Variants in TMEM207 observed in about 807,000 individuals in gnomAD.
TMEM207 encodes transmembrane protein 207.
In TMEM207, 15 loss-of-function variants were observed where a neutral mutation model predicts 17.4. That is an observed-to-expected ratio of 0.86 (90% confidence interval 0.58 to 1.33). The LOEUF is 1.33. TMEM207 is among the 40% of genes most tolerant of loss of function. The pLI, the probability that TMEM207 is intolerant of heterozygous loss-of-function variation, is 0.00. For missense variants in TMEM207, 205 were observed against 173.8 expected (o/e 1.18, Z -1.01); for synonymous variants, 70 against 65.6 (o/e 1.07, Z -0.33).
At chr3:190,435,661 T>G (rs866102181) in intron 4 of TMEM207, among the ~76,000 whole-genome samples, 1 of 152,124 alleles carries the variant, frequency 6.6e-6, no homozygotes, top group Non-Finnish European at 1.5e-5. Context: ...CCCCTCAGTT[T>G]AGGATCCACA....
At chr3:190,440,649 G>T (rs1403473160) in intron 3 of TMEM207, among the ~76,000 whole-genome samples, 1 of 152,134 alleles carries the variant, frequency 6.6e-6, no homozygotes, top group African/African-American at 2.4e-5. Context: ...TATTCTAAAA[G>T]ACAGAGTCTT....
At chr3:190,447,686 C>G (rs569141562) in intron 2 of TMEM207, 104 bp downstream of exon 2, 1 of 1,100,128 alleles carries the variant, frequency 9.1e-7, no homozygotes, top group Non-Finnish European at 1.3e-6. Context: ...TTATAATGAT[C>G]ATTTGAAACT....
At chr3:190,433,523 C>T (rs1234055671) in intron 4 of TMEM207, among the ~76,000 whole-genome samples, 1 of 152,128 alleles carries the variant, frequency 6.6e-6, no homozygotes, top group Admixed American at 6.5e-5. Flanking sequence ...TTATGAACTG[C>T]TGAGCGATGA....
chr3:190,444,375 C>T (rs757210425), intron 2 of TMEM207: 1 of 979,118 alleles, frequency 1.0e-6, no homozygotes, highest in Admixed American at 6.1e-5. Context: ...GAGTTCATGT[C>T]TCTTATCACC....
At chr3:190,431,452 A>C (rs1304006602) in intron 4 of TMEM207, among the ~76,000 whole-genome samples, 2 of 152,036 alleles carry the variant, frequency 1.3e-5, no homozygotes, top group African/African-American at 4.8e-5. Flanking sequence ...ATAATGATTT[A>C]AACATTATTA....
intron 4 of TMEM207, among the ~76,000 whole-genome samples, chr3:190,431,364 G>A (rs962688895): frequency 5.3e-5 from 8 of 151,966 alleles, no homozygotes; most frequent in African/African-American, 1.7e-4. Flanking sequence ...GTCAAGAGCT[G>A]TACTAATGAT....
chr3:190,443,164 T>G (rs1445645548), intron 2 of TMEM207, among the ~76,000 whole-genome samples: 1 of 151,840 alleles, frequency 6.6e-6, no homozygotes, highest in Non-Finnish European at 1.5e-5. Flanking sequence ...TTTTTTGTTT[T>G]GTTTTGTTTT....
Position 190,429,693 on chromosome 3 carries a change from G to A in TMEM207, c.343C>T (p.Leu115Phe). 1 of 1,612,060 alleles carries A rather than the reference G, an allele frequency of 6.2e-7. No individual in the cohort carries two copies. Among genetic ancestry groups the A allele is most frequent in the Non-Finnish European group, 8.5e-7 (1 of 1,179,030 alleles). ...AAVSPTVGIH[L>F]QTQTPDLYPV... ...TATAGGTCAGGGGTTTGAGTTTGAA[G>A]GTGAATTCCAACAGTTGGACTCACA... Residue 115 changes from leucine to phenylalanine, a missense_variant, in exon 5 of 5, where the codon CTT becomes TTT. Coordinates refer to ENST00000354905, the MANE Select transcript of TMEM207 (RefSeq NM_207316.3).
chr3:190,444,110 G>A (rs1477050157), intron 2 of TMEM207, among the ~76,000 whole-genome samples: 2 of 152,186 alleles, frequency 1.3e-5, no homozygotes, highest in Non-Finnish European at 2.9e-5. Flanking sequence ...GAAGAAATAT[G>A]CAGAGTTGCT....
chr3:190,433,135 TTC>T (rs1719725681), intron 4 of TMEM207, among the ~76,000 whole-genome samples: 1 of 152,176 alleles, frequency 6.6e-6, no homozygotes, highest in South Asian at 2.1e-4. Context: ...TGCTCTCAAA[TTC>T]TCTCTTTTCT....
At chr3:190,444,515 A>G in intron 2 of TMEM207, 1 of 945,614 alleles carries the variant, frequency 1.1e-6, no homozygotes, top group Non-Finnish European at 1.3e-6. Context: ...AAAAAAAAAA[A>G]AAATAGAAAT....
intron 3 of TMEM207, 81 bp from the exon 4 acceptor site, chr3:190,440,470 G>C: frequency 7.4e-7 from 1 of 1,359,184 alleles, no homozygotes; most frequent in East Asian, 2.5e-5. Flanking sequence ...CTAGAAGTGG[G>C]GTGAAGACTC....
At chr3:190,437,811 C>A (rs1056242760) in intron 4 of TMEM207, among the ~76,000 whole-genome samples, 1 of 151,122 alleles carries the variant, frequency 6.6e-6, no homozygotes, top group African/African-American at 2.4e-5. Flanking sequence ...ATGTTTATTG[C>A]GGCACTATTC....
chr3:190,434,843 A>G (rs551818841), intron 4 of TMEM207, among the ~76,000 whole-genome samples: 3 of 152,336 alleles, frequency 2.0e-5, no homozygotes, highest in African/African-American at 7.2e-5. Flanking sequence ...GTTCAGGGGA[A>G]CATAGTAAAG....
At chr3:190,447,745 T>A (rs1331337129) in intron 2 of TMEM207, 45 bp downstream of exon 2, 2 of 1,601,134 alleles carry the variant, frequency 1.2e-6, no homozygotes. Context: ...CTTTGAATTT[T>A]TTAAATGCGA....
At position 190,449,845 on chromosome 3, in the gene TMEM207, T is replaced by C. The variant is rs1302394761; in HGVS notation, c.-36A>G. The C allele has an allele frequency of 1.3e-6, 2 of 1,586,244 alleles. No individual in the cohort carries two copies. Among genetic ancestry groups the C allele is most frequent in the East Asian group, 2.2e-5 (1 of 44,690 alleles). ...CAGTCAACTTAGGATAGTGGTTTGG[T>C]GCCTGTGTTTATTTCCTTCTTTCTC... On this transcript the variant is annotated 5_prime_UTR_variant, in exon 1 of 5. Coordinates refer to ENST00000354905, the MANE Select transcript of TMEM207 (RefSeq NM_207316.3).
At chr3:190,434,497 G>A (rs533075520) in intron 4 of TMEM207, among the ~76,000 whole-genome samples, 15 of 152,090 alleles carry the variant, frequency 9.9e-5, no homozygotes, top group Non-Finnish European at 1.8e-4. Flanking sequence ...GGCTTCCCCA[G>A]CCACATGGAA....
intron 4 of TMEM207, among the ~76,000 whole-genome samples, chr3:190,434,141 AG>A (rs1318426385): frequency 6.6e-6 from 1 of 152,164 alleles, no homozygotes; most frequent in Non-Finnish European, 1.5e-5. Flanking sequence ...GGACTAACAC[AG>A]GAAGTCTTCT....
chr3:190,448,719 T>G (rs1720101491), intron 1 of TMEM207, among the ~76,000 whole-genome samples: 1 of 152,146 alleles, frequency 6.6e-6, no homozygotes, highest in South Asian at 2.1e-4. Context: ...GTTACAAAAT[T>G]TAAAGTGATA....
Sources: gnomAD v4.1 joint callset for allele counts (sites outside exome capture counted in the v4.1 genomes callset) on GRCh38, gnomAD v4.1.1 for gene constraint, MANE v1.5 for transcripts, NCBI Gene and HGNC (gene_info 2026-07-23, HGNC 2026-07-21) for gene names.